The following PIAS2 variants were observed in gnomAD, a reference collection of about 807,000 sequenced individuals.
PIAS2 encodes the protein E3 SUMO-protein ligase PIAS2.
PIAS2 carries 19 observed loss-of-function variants against 69.7 expected under a neutral mutation model. The ratio of observed to expected loss-of-function variants is 0.27; its 90% CI spans 0.19 to 0.40. The LOEUF is 0.40. PIAS2 is among the 10% of genes least tolerant of loss of function. PIAS2 has a pLI of 1.00. For synonymous variants in PIAS2, 261 were observed against 263.2 expected (o/e 0.99, Z 0.08); for missense variants, 624 against 757.0 (o/e 0.82, Z 2.06).
chr18:46,862,116 A>G lies in PIAS2; in HGVS notation c.584+2048T>C, dbSNP rs1242763792. On this transcript the variant is annotated intron_variant, in intron 3 of 13. Transcript: ENST00000585916. ...GGAGGCCGAACAGGTGGATCACTTGAGGCCAGGAGTTCAAGACAACCCTGG... is the reference window on the plus strand; with the variant it reads ...GGAGGCCGAACAGGTGGATCACTTGGGGCCAGGAGTTCAAGACAACCCTGG... 2.6e-5 allele frequency among the ~76,000 whole-genome samples: 4 copies of G among 152,186 alleles called. 1 individual carries two copies. In the East Asian group the frequency reaches 7.7e-4, roughly 29 times the overall value.
At chr18:46,888,583 T>C (rs1460139803) in intron 2 of PIAS2, among the ~76,000 whole-genome samples, 1 of 152,208 alleles carries the variant, frequency 6.6e-6, no homozygotes, top group Non-Finnish European at 1.5e-5. Flanking sequence ...ACAACCTTTT[T>C]GGCCAGGACC....
At chr18:46,914,961 G>A (rs1344902991) in intron 1 of PIAS2, 1 of 151,866 alleles carries the variant, frequency 6.6e-6, no homozygotes, top group Non-Finnish European at 1.5e-5. Flanking sequence ...TTTCTATTCC[G>A]TTTTTTAGTC....
At chr18:46,827,901 A>T (rs752109028) in intron 11 of PIAS2, 58 bp downstream of exon 11, 1 of 1,425,466 alleles carries the variant, frequency 7.0e-7, no homozygotes, top group South Asian at 1.2e-5. Flanking sequence ...TTATAAATCT[A>T]TCCAAGAGCA....
intron 2 of PIAS2, among the ~76,000 whole-genome samples, chr18:46,866,956 C>T (rs184451461): frequency 1.4e-4 from 21 of 152,308 alleles, no homozygotes; most frequent in East Asian, 3.9e-4. Flanking sequence ...TGACTGGAGA[C>T]AACCTACCCT....
At chr18:46,855,470 G>A (rs1405144420) in intron 4 of PIAS2, 35 bp from the exon 5 acceptor site, 3 of 1,577,952 alleles carry the variant, frequency 1.9e-6, no homozygotes, top group East Asian at 2.2e-5. Context: ...TTCTTAAATA[G>A]TGTGCTCAAA....
chr18:46,881,579 C>T lies in PIAS2; in HGVS notation c.499+9001G>A, dbSNP rs901777033. On this transcript the variant is annotated intron_variant, in intron 2 of 13. Coordinates refer to ENST00000585916, the MANE Select transcript of PIAS2 (RefSeq NM_004671.5). ...ACAAACTCTGCCAATCCAAAGTAGG[C>T]GCATTCATCCTTCAAAGCTCCCTCA... is the stretch of plus-strand genomic sequence containing the variant. 2.6e-5 allele frequency among the ~76,000 whole-genome samples: 4 copies of T among 152,264 alleles called. No individual in the cohort carries two copies. In the East Asian group the frequency reaches 7.7e-4, roughly 29 times the overall value.
chr18:46,819,473 T>A (rs1002518305), intron 12 of PIAS2, among the ~76,000 whole-genome samples: 2 of 152,178 alleles, frequency 1.3e-5, no homozygotes, highest in African/African-American at 4.8e-5. Flanking sequence ...CATTTTTTTC[T>A]ATGGATACTA....
chr18:46,847,559 G>A (rs1014798632), intron 5 of PIAS2, among the ~76,000 whole-genome samples: 108 of 150,064 alleles, frequency 7.2e-4, no homozygotes, highest in African/African-American at 2.6e-3. Context: ...TTGGCTCACT[G>A]CAAGCTCCGC....
At chr18:46,846,103 A>G (rs1246717274) in intron 6 of PIAS2, among the ~76,000 whole-genome samples, 2 of 152,202 alleles carry the variant, frequency 1.3e-5, no homozygotes, top group East Asian at 3.8e-4. Flanking sequence ...TATATAAACA[A>G]GTAATTCTAA....
At chr18:46,821,400 T>C (rs1408559841) in intron 11 of PIAS2, among the ~76,000 whole-genome samples, 1 of 152,176 alleles carries the variant, frequency 6.6e-6, no homozygotes. Context: ...AATATGTATA[T>C]GGGTATCAGT....
rs138838652 is a variant in PIAS2 at position 46,901,439 on chromosome 18, G to A, written c.25-10385C>T. On this transcript the variant is annotated intron_variant, in intron 1 of 13. Coordinates refer to ENST00000585916, the MANE Select transcript of PIAS2 (RefSeq NM_004671.5). ...AAAATTAAACTACAAACCAATATTCGTCATGAATATAGACGTTAAAACCCT... is the reference window on the plus strand; with the variant it reads ...AAAATTAAACTACAAACCAATATTCATCATGAATATAGACGTTAAAACCCT... Among the ~76,000 whole-genome samples, 8 of 152,088 alleles carry A rather than the reference G, an allele frequency of 5.3e-5. No individual in the cohort carries two copies. The East Asian group carries it at 7.7e-4, about 15-fold the overall frequency.
intron 2 of PIAS2, among the ~76,000 whole-genome samples, chr18:46,871,507 C>T (rs2050354182): frequency 6.6e-6 from 1 of 152,122 alleles, no homozygotes; most frequent in Non-Finnish European, 1.5e-5. Flanking sequence ...GAGAGAATGT[C>T]CTGAATGGGA....
intron 9 of PIAS2, among the ~76,000 whole-genome samples, chr18:46,830,523 C>T (rs2043455159): frequency 1.3e-5 from 2 of 151,274 alleles, no homozygotes; most frequent in Admixed American, 6.6e-5. Context: ...TTAATCTTCC[C>T]TAATTAGAAA....
At chr18:46,918,455 G>A (rs1343026420), upstream of PIAS2, among the ~76,000 whole-genome samples, 2 of 151,972 alleles carry the variant, frequency 1.3e-5, no homozygotes, top group Non-Finnish European at 2.9e-5. Flanking sequence ...CCCGCACCCC[G>A]CAAGTTTTGT....
chr18:46,872,498 T>C (rs1397455034), intron 2 of PIAS2, among the ~76,000 whole-genome samples: 3 of 152,184 alleles, frequency 2.0e-5, no homozygotes, highest in African/African-American at 4.8e-5. Context: ...AAAACACATA[T>C]GCTTGCTCCA....
At chr18:46,835,974 A>C (rs990958065) in intron 9 of PIAS2, among the ~76,000 whole-genome samples, 1 of 152,218 alleles carries the variant, frequency 6.6e-6, no homozygotes, top group African/African-American at 2.4e-5. Context: ...TTTTGAACTT[A>C]AGAGCTATGT....
chr18:46,813,929 T>A (rs990651317), intron 13 of PIAS2, among the ~76,000 whole-genome samples: 1 of 152,178 alleles, frequency 6.6e-6, no homozygotes, highest in Admixed American at 6.5e-5. Context: ...AACTCTTTTC[T>A]AAAATCAAAT....
At chr18:46,815,495 G>A (rs2041415366) in intron 12 of PIAS2, 146 bp from the exon 13 acceptor site, 38 of 1,438,892 alleles carry the variant, frequency 2.6e-5, no homozygotes, top group Non-Finnish European at 3.3e-5. Context: ...CATGATCAGT[G>A]ATATTTGAAG....
intron 2 of PIAS2, among the ~76,000 whole-genome samples, chr18:46,875,475 T>C (rs995605328): frequency 6.6e-6 from 1 of 152,118 alleles, no homozygotes; most frequent in Admixed American, 6.5e-5. Flanking sequence ...CATATTCGAA[T>C]GGTATGGGTT....
Sources: allele counts gnomAD v4.1 joint callset (sites outside exome capture counted in the v4.1 genomes callset), GRCh38; gene constraint gnomAD v4.1.1; transcripts MANE v1.5; gene names NCBI Gene and HGNC (gene_info 2026-07-23, HGNC 2026-07-21).